Variants in CDC42BPB observed in about 807,000 individuals in gnomAD.
The protein encoded by CDC42BPB is CDC42 binding protein kinase beta, also known as serine/threonine-protein kinase MRCK beta.
Under a neutral mutation model 214.9 loss-of-function variants are expected in CDC42BPB, and 37 were observed. The ratio of observed to expected loss-of-function variants is 0.17; its 90% CI spans 0.13 to 0.23. The LOEUF (loss-of-function observed/expected upper bound fraction) is 0.23. Ranked by LOEUF, CDC42BPB falls within the 10% of genes least tolerant of loss-of-function variation. The pLI, the probability that CDC42BPB is intolerant of heterozygous loss-of-function variation, is 1.00. For missense variants in CDC42BPB, 1,694 were observed against 2,227.0 expected (o/e 0.76, Z 4.82); for synonymous variants, 931 against 884.0 (o/e 1.05, Z -0.94).
intron 18 of CDC42BPB, among the ~76,000 whole-genome samples, chr14:102,965,388 T>TAAA (rs765936398): frequency 3.5e-5 from 4 of 115,208 alleles, no homozygotes; most frequent in East Asian, 2.5e-4. Flanking sequence ...TACCTGTGAT[T>TAAA]AAAAAAAAAA....
At chr14:102,993,266 C>T (rs944035032) in intron 5 of CDC42BPB, among the ~76,000 whole-genome samples, 1 of 152,200 alleles carries the variant, frequency 6.6e-6, no homozygotes, top group African/African-American at 2.4e-5. Context: ...ATACTACGTT[C>T]ACTTCCCAAC....
intron 1 of CDC42BPB, among the ~76,000 whole-genome samples, chr14:103,037,307 C>T (rs968190322): frequency 1.3e-5 from 2 of 151,622 alleles, no homozygotes; most frequent in Non-Finnish European, 2.9e-5. Context: ...TTTTCTTTTT[C>T]TTTTTGACAG....
chr14:103,056,564 T>G (rs369933347), intron 1 of CDC42BPB, among the ~76,000 whole-genome samples: 78 of 94,330 alleles, frequency 8.3e-4, no homozygotes, highest in East Asian at 5.7e-3. Flanking sequence ...AAAGGCGAGG[T>G]GCGGGGGCGG....
intron 1 of CDC42BPB, among the ~76,000 whole-genome samples, chr14:103,036,216 G>A (rs112869681): frequency 0.03 from 4,421 of 148,928 alleles, 105 homozygotes; most frequent in Middle Eastern, 0.045. Flanking sequence ...GCAGTGGCGC[G>A]ATCTCAGCTC....
At chr14:103,012,680 CTG>C (rs1008966838) in intron 1 of CDC42BPB, among the ~76,000 whole-genome samples, 1 of 151,968 alleles carries the variant, frequency 6.6e-6, no homozygotes, top group African/African-American at 2.4e-5. Context: ...TGGCGGGTGA[CTG>C]TAATCTCAGC....
At chr14:103,015,547 G>A (rs766645114) in intron 1 of CDC42BPB, among the ~76,000 whole-genome samples, 20 of 152,302 alleles carry the variant, frequency 1.3e-4, no homozygotes, top group Admixed American at 1.2e-3. Context: ...AAGGAAAGCC[G>A]CATCACAGTA....
intron 13 of CDC42BPB, 119 bp from the exon 14 acceptor site, chr14:102,970,380 C>T: frequency 7.0e-7 from 1 of 1,421,854 alleles, no homozygotes; most frequent in South Asian, 1.6e-5. Flanking sequence ...GCGTGTTCAC[C>T]CTTCATCAAA....
At chr14:103,043,130 G>A (rs1363069186) in intron 1 of CDC42BPB, among the ~76,000 whole-genome samples, 1 of 152,180 alleles carries the variant, frequency 6.6e-6, no homozygotes, top group Non-Finnish European at 1.5e-5. Context: ...CGTAATCCCA[G>A]CTATTTGGGA....
At chr14:102,947,322 GCACT>G (rs1892227745) in intron 27 of CDC42BPB, among the ~76,000 whole-genome samples, 2 of 152,346 alleles carry the variant, frequency 1.3e-5, no homozygotes, top group South Asian at 2.1e-4. Flanking sequence ...CAGTGAGGGA[GCACT>G]CACTCAGTCA....
chr14:102,949,676 GAA>G, intron 26 of CDC42BPB, 87 bp downstream of exon 26: 1 of 1,534,256 alleles, frequency 6.5e-7, no homozygotes, highest in South Asian at 1.2e-5. Context: ...CTAATGAGGT[GAA>G]AGACTACTAA....
At chr14:103,041,299 G>A (rs1015999507) in intron 1 of CDC42BPB, among the ~76,000 whole-genome samples, 2 of 152,058 alleles carry the variant, frequency 1.3e-5, no homozygotes, top group African/African-American at 4.8e-5. Flanking sequence ...AGAACTAAAC[G>A]TAAATGCTAA....
intron 20 of CDC42BPB, among the ~76,000 whole-genome samples, chr14:102,960,124 G>C (rs183038537): frequency 6.6e-6 from 1 of 151,426 alleles, no homozygotes; most frequent in African/African-American, 2.4e-5. Flanking sequence ...GGAGAATCTC[G>C]AGCCCAGGAG....
chr14:102,982,464 C>A (rs1023354481), intron 7 of CDC42BPB, among the ~76,000 whole-genome samples: 10 of 152,040 alleles, frequency 6.6e-5, no homozygotes, highest in African/African-American at 2.4e-4. Context: ...AGGGTGAAAT[C>A]GGCATTAGGA....
chr14:102,948,792 G>A (rs2139385217), intron 26 of CDC42BPB, among the ~76,000 whole-genome samples: 1 of 151,898 alleles, frequency 6.6e-6, no homozygotes, highest in Admixed American at 6.5e-5. Flanking sequence ...AGAGTGCTGA[G>A]CCCTCCGATG....
At chr14:102,988,871 C>CAAAAAAAAAA (rs34126680) in intron 5 of CDC42BPB, among the ~76,000 whole-genome samples, 4 of 116,796 alleles carry the variant, frequency 3.4e-5, no homozygotes, top group Non-Finnish European at 3.6e-5. Context: ...CCCCCCCTTC[C>CAAAAAAAAAA]AAAAAAAAAA....
intron 23 of CDC42BPB, among the ~76,000 whole-genome samples, chr14:102,953,401 C>T (rs929642661): frequency 1.2e-4 from 18 of 152,240 alleles, no homozygotes; most frequent in African/African-American, 3.4e-4. Flanking sequence ...ACCAAATAAA[C>T]GACCTCGCGA....
rs371772936 is a variant in CDC42BPB at position 102,975,765 on chromosome 14, G to A, written c.1426C>T (p.Arg476Trp). 63 of 1,613,980 alleles carry A rather than the reference G, an allele frequency of 3.9e-5. No individual in the cohort carries two copies. Among genetic ancestry groups the A allele is most frequent in the Admixed American group, 2.3e-4 (14 of 60,008 alleles). ...TCTCGGTTTGAATTGCTGAGGGCCC[G>A]AGATGAGCCGTGGAGGGACTGCACG... ...QTVQSLHGSS[R>W]ALSNSNRDKE... Residue 476 changes from arginine (R) to tryptophan (W), a missense_variant, in exon 11 of 37, where the codon CGG becomes TGG. Coordinates refer to ENST00000361246, the MANE Select transcript of CDC42BPB (RefSeq NM_006035.4).
intron 17 of CDC42BPB, 67 bp downstream of exon 17, chr14:102,966,979 G>T: frequency 6.4e-7 from 1 of 1,558,170 alleles, no homozygotes; most frequent in Non-Finnish European, 8.7e-7. Flanking sequence ...AGGCAGAAGA[G>T]GCGGGGCAGA....
intron 6 of CDC42BPB, among the ~76,000 whole-genome samples, chr14:102,985,577 G>C (rs1211048003): frequency 6.6e-6 from 1 of 152,194 alleles, no homozygotes; most frequent in African/African-American, 2.4e-5. Context: ...ACAAGAGACT[G>C]GCTTTGTGGA....
Sources: gnomAD v4.1 joint callset for allele counts (sites outside exome capture counted in the v4.1 genomes callset) on GRCh38, gnomAD v4.1.1 for gene constraint, MANE v1.5 for transcripts, NCBI Gene and HGNC (gene_info 2026-07-23, HGNC 2026-07-21) for gene names.